ANHX: variants seen among roughly 807,000 people sequenced by gnomAD.
ANHX encodes the protein anomalous homeobox protein.
Under a neutral mutation model 38.9 loss-of-function variants are expected in ANHX, and 20 were observed. The ratio of observed to expected loss-of-function variants is 0.51; its 90% CI spans 0.36 to 0.75. The LOEUF is 0.75. ANHX is among the 30% of genes least tolerant of loss of function. The pLI, the probability that ANHX is intolerant of heterozygous loss-of-function variation, is 0.00. For synonymous variants in ANHX, 185 were observed against 203.1 expected (o/e 0.91, Z 0.76); for missense variants, 475 against 493.1 (o/e 0.96, Z 0.35).
At chr12:133,224,944 G>GGGAC (rs1379991747) in intron 7 of ANHX, among the ~76,000 whole-genome samples, 12 of 147,190 alleles carry the variant, frequency 8.2e-5, no homozygotes, top group African/African-American at 1.5e-4. Context: ...TCCAGCCTGG[G>GGGAC]TGAGCAAGAC....
At chr12:133,223,812 G>A (rs999685711) in intron 7 of ANHX, among the ~76,000 whole-genome samples, 8 of 151,368 alleles carry the variant, frequency 5.3e-5, no homozygotes, top group Non-Finnish European at 7.4e-5. Flanking sequence ...CACAACCTCG[G>A]ACCCTCAGCG....
rs567851457 is a variant in ANHX, at chr12:133,228,842, G to T, written c.378-895C>A. Among the ~76,000 whole-genome samples the T allele has an allele frequency of 7.9e-5, 12 of 152,306 alleles. No homozygotes were observed. In the East Asian group the frequency reaches 2.3e-3, roughly 29 times the overall value. ...TTCTCACCTCCAGTGGTGATCCCAT[G>T]AGTCTGCTCCAGTTCCAGCTAAACT... On this transcript the variant is annotated intron_variant, in intron 3 of 9. Coordinates refer to ENST00000545940, the MANE Select transcript of ANHX (RefSeq NM_001372060.1).
At position 133,227,128 on chromosome 12, in the gene ANHX, A is replaced by G; in HGVS notation, c.526T>C (p.Leu176=). The change falls in exon 5 of 10, where the codon TTG becomes CTG. Residue 176 remains leucine, a synonymous_variant. Coordinates refer to ENST00000545940, the MANE Select transcript of ANHX (RefSeq NM_001372060.1). ...CAGTTGTACACCTGCTCAGGGGTCA[A>G]GCTCGTCTCCAATGCCAAGTTCTCC... ...ERENLALETS[L]TPEQVYNWFA... 6.5e-7 allele frequency: 1 copy of G among 1,535,622 alleles called. No individual in the cohort carries two copies. The highest frequency in any genetic ancestry group is 8.7e-7 in the Non-Finnish European group (1 of 1,146,574).
At position 133,234,304 on chromosome 12, in the gene ANHX, G is replaced by C. The variant is rs753167567; in HGVS notation, c.53C>G (p.Pro18Arg). ...LKEHEDTCAPPAELVTLAGRL... is the reference protein window; with the variant it reads ...LKEHEDTCAPRAELVTLAGRL... ...GCCCGCAAGGGTCACCAGCTCCGCC[G>C]GGGGTGCACAGGTGTCCTCATGCTC... Residue 18 changes from proline (P) to arginine (R), a missense_variant, in exon 2 of 10, where the codon CCG becomes CGG. By Grantham distance (103) the Pro-to-Arg change is moderately radical. Coordinates refer to ENST00000545940, the MANE Select transcript of ANHX (RefSeq NM_001372060.1). The C allele has an allele frequency of 5.2e-6, 8 of 1,535,970 alleles. No individual in the cohort carries two copies. Among genetic ancestry groups the C allele is most frequent in the Non-Finnish European group, 6.1e-6 (7 of 1,146,886 alleles).
At chr12:133,219,055 G>A in intron 9 of ANHX, 84 bp from the exon 10 acceptor site, 1 of 1,309,630 alleles carries the variant, frequency 7.6e-7, no homozygotes, top group African/African-American at 1.5e-5. Context: ...TCCTGACCTT[G>A]GGAAGACCCC....
rs1957107959 is a variant in ANHX, at chr12:133,221,480, C to G, written c.1133-128G>C. On this transcript the variant is annotated intron_variant, in intron 7 of 9. Transcript: ENST00000545940. This position sits in a 1 kb window ranked among gnomAD's most constrained non-coding sequence, Gnocchi z 4.1. ...GCCCAGCCAGCCCGCGCCACGTGAACCAGACTCACGGTCCCTGGGCCTCAG... is the reference window on the plus strand; with the variant it reads ...GCCCAGCCAGCCCGCGCCACGTGAAGCAGACTCACGGTCCCTGGGCCTCAG... The G allele has an allele frequency of 1.9e-6, 2 of 1,078,852 alleles. No homozygotes were observed. The highest frequency in any genetic ancestry group is 2.6e-6 in the Non-Finnish European group (2 of 772,738). The allele number at this position is 1,078,852 out of a possible 1,614,324, so 66.8% of individuals were successfully genotyped here. A position where few individuals can be genotyped will look rare whatever the true frequency, so the allele number is the denominator to read the frequency against.
chr12:133,223,312 G>C (rs1957138273), intron 7 of ANHX, among the ~76,000 whole-genome samples: 1 of 151,954 alleles, frequency 6.6e-6, no homozygotes, highest in Non-Finnish European at 1.5e-5. Flanking sequence ...TGGGAGACTG[G>C]TCCCGGAGTT....
At position 133,234,098 on chromosome 12, in the gene ANHX, C is replaced by G; in HGVS notation, c.249+10G>C. 6.5e-7 allele frequency: 1 copy of G among 1,534,972 alleles called. No homozygotes were observed. The highest frequency in any genetic ancestry group is 8.7e-7 in the Non-Finnish European group (1 of 1,146,730). On this transcript the variant is annotated intron_variant, in intron 2 of 9. Coordinates refer to ENST00000545940, the MANE Select transcript of ANHX (RefSeq NM_001372060.1). ...TCTCTCTGTACCCTACCCCTGTAGC[C>G]CAGGCCTACCTCCAGGAGGCGGCAA...
rs139972640 is a variant in ANHX, at chr12:133,227,713, C to T, written c.501+111G>A. On this transcript the variant is annotated intron_variant, in intron 4 of 9. Coordinates refer to ENST00000545940, the MANE Select transcript of ANHX (RefSeq NM_001372060.1). ...TGTCCAGAGGAGGGGCTGAAACCAC[C>T]AGCACCCTGGCGGATGAGGCCACTG... 5.6e-4 allele frequency: 729 copies of T among 1,307,792 alleles called. 5 individuals carry two copies. In the African/African-American group the frequency reaches 9.3e-3, roughly 17 times the overall value. 81.0% of individuals were successfully genotyped at this position (1,307,792 alleles called of 1,614,324 possible).
In ANHX at chr12:133,234,139, T is replaced by C; in HGVS notation, c.218A>G (p.Glu73Gly). The change falls in exon 2 of 10, where the codon GAG (glutamate) becomes GGG (glycine). Residue 73 changes from glutamate to glycine, a missense_variant. By Grantham distance (98) the Glu-to-Gly change is moderately conservative. Transcript: ENST00000545940. ...LACARVLDQQ[E>G]QQQAACRLLE... ...GAGGCGGCAAGCCGCCTGCTGCTGC[T>C]CCTGCTGGTCCAGGACACGGGCGCA... The C allele has an allele frequency of 6.5e-7, 1 of 1,536,000 alleles. No homozygotes were observed. The highest frequency in any genetic ancestry group is 1.2e-5 in the South Asian group (1 of 84,048).
chr12:133,228,796 G>A (rs1404996477), intron 3 of ANHX, among the ~76,000 whole-genome samples: 3 of 152,216 alleles, frequency 2.0e-5, no homozygotes, highest in African/African-American at 7.2e-5. Context: ...TCATTCTCAT[G>A]AGCTGCTAAG....
Position 133,218,806 on chromosome 12 carries a change from C to A in ANHX, c.*79G>T, listed in dbSNP as rs1957069349. On this transcript the variant is annotated 3_prime_UTR_variant, in exon 10 of 10. Coordinates refer to ENST00000545940, the MANE Select transcript of ANHX (RefSeq NM_001372060.1). ...CCTTCATTTTGTATTCAGGATAAAG[C>A]TCTGTAACTCCTTGTGTTGACCAGG... 28 of 1,110,062 alleles carry A rather than the reference C, an allele frequency of 2.5e-5. No homozygotes were observed. Among genetic ancestry groups the A allele is most frequent in the Non-Finnish European group, 3.4e-5 (28 of 819,550 alleles). The allele number at this position is 1,110,062 out of a possible 1,614,324, so 68.8% of individuals were successfully genotyped here. A position where few individuals can be genotyped will look rare whatever the true frequency, so the allele number is the denominator to read the frequency against.
rs746232114 is a variant in ANHX, at chr12:133,219,370, G to A, written c.1281-3C>T. On this transcript the variant is annotated splice_region_variant and splice_polypyrimidine_tract_variant and intron_variant, in intron 8 of 9. Coordinates refer to ENST00000545940, the MANE Select transcript of ANHX (RefSeq NM_001372060.1). ...GGGCTGGGGCCAGCTCTGGAGGGCT[G>A]GAAAAGAGACAGTGTAAGAATAGGC... 1.3e-6 allele frequency: 2 copies of A among 1,523,470 alleles called. No homozygotes were observed. Among genetic ancestry groups the A allele is most frequent in the East Asian group, 2.5e-5 (1 of 40,800 alleles). 94.4% of individuals were successfully genotyped at this position (1,523,470 alleles called of 1,614,324 possible). A position where few individuals can be genotyped will look rare whatever the true frequency, so the allele number is the denominator to read the frequency against.
chr12:133,226,293 T>A (rs1321691661), intron 6 of ANHX, 25 bp downstream of exon 6: 1 of 1,536,178 alleles, frequency 6.5e-7, no homozygotes, highest in Admixed American at 2.0e-5. Context: ...GTGAGATGAT[T>A]CCATGGCCAT....
chr12:133,224,968 A>T (rs998749100), intron 7 of ANHX, among the ~76,000 whole-genome samples: 1 of 150,960 alleles, frequency 6.6e-6, no homozygotes, highest in African/African-American at 2.5e-5. Flanking sequence ...GTCTCAAAAA[A>T]AAAAAAAAAC....
At chr12:133,232,256 C>T (rs187629125) in intron 2 of ANHX, among the ~76,000 whole-genome samples, 12 of 151,782 alleles carry the variant, frequency 7.9e-5, no homozygotes, top group Non-Finnish European at 1.0e-4. Context: ...TTGCTGATGA[C>T]GGAGGATGCC....
intron 5 of ANHX, 69 bp from the exon 6 acceptor site, chr12:133,226,507 T>C (rs137878698): frequency 0.2 from 299,783 of 1,474,352 alleles, 31,871 homozygotes; most frequent in Middle Eastern, 0.26. Context: ...CCATCAGGTA[T>C]GAGCAGCCCT....
intron 3 of ANHX, among the ~76,000 whole-genome samples, chr12:133,230,084 T>C (rs147409645): frequency 2.0e-5 from 3 of 152,344 alleles, no homozygotes; most frequent in Admixed American, 6.5e-5. Context: ...ATTCTCTGCA[T>C]AGCACTTCTC....
intron 6 of ANHX, among the ~76,000 whole-genome samples, 33 bp from the exon 7 acceptor site, chr12:133,225,861 G>A (rs1221231101): frequency 6.6e-6 from 1 of 152,212 alleles, no homozygotes; most frequent in Non-Finnish European, 1.5e-5. Flanking sequence ...TCTCTTGGTG[G>A]GCAGAGCCTC....
Sources: allele counts gnomAD v4.1 joint callset (sites outside exome capture counted in the v4.1 genomes callset), GRCh38; gene constraint gnomAD v4.1.1; non-coding constraint Gnocchi (gnomAD v3.1); transcripts MANE v1.5; gene names NCBI Gene and HGNC (gene_info 2026-07-23, HGNC 2026-07-21).